Variants in MAP3K15 observed in about 807,000 individuals in gnomAD.
The protein encoded by MAP3K15 is mitogen-activated protein kinase kinase kinase 15, also known as MAPK/ERK kinase kinase 15.
Under a neutral mutation model 99.5 loss-of-function variants are expected in MAP3K15, and 124 were observed. That is an observed-to-expected ratio of 1.25 (90% CI 1.08 to 1.45). The LOEUF is 1.45. Ranked by LOEUF, MAP3K15 falls within the 40% of genes most tolerant of loss-of-function variation. The pLI is 0.00. For synonymous variants in MAP3K15, 494 were observed against 439.6 expected, an observed-to-expected ratio of 1.12 and a Z score of -1.55; for missense variants, 1,242 against 1,079.7, an observed-to-expected ratio of 1.15 and a Z score of -2.11.
At chrX:19,391,191 T>C (rs1479246967) in intron 18 of MAP3K15, among the ~76,000 whole-genome samples, 1 of 111,798 alleles carries the variant, frequency 8.9e-6, no homozygotes, top group Non-Finnish European at 1.9e-5. Flanking sequence ...GGAAACACAA[T>C]CATATCAAAA....
At chrX:19,377,620 G>A (rs1461068160) in intron 19 of MAP3K15, among the ~76,000 whole-genome samples, 7 of 111,974 alleles carry the variant, frequency 6.3e-5, no homozygotes, top group South Asian at 3.7e-4. Flanking sequence ...CATGCCCTGC[G>A]GAGGAATCGA....
Position 19,360,263 on chromosome X carries a change from A to C in MAP3K15, c.*486T>G, listed in dbSNP as rs2063266089. On this transcript the variant is annotated 3_prime_UTR_variant, in exon 29 of 29. Transcript: ENST00000338883. ...ATTCGTATCAGTTTTGTGTTTCTCA[A>C]ATTGAAGTACCATACCAGTTCTGAG... The C allele has an allele frequency of 7.5e-6, 1 of 134,067 alleles. No homozygotes were observed. Among genetic ancestry groups the C allele is most frequent in the African/African-American group, 3.2e-5 (1 of 31,212 alleles). 11.0% of individuals were successfully genotyped at this position (134,067 alleles called of 1,213,427 possible). A position where few individuals can be genotyped will look rare whatever the true frequency, so the allele number is the denominator to read the frequency against.
chrX:19,488,776 T>C, intron 2 of MAP3K15, 52 bp downstream of exon 2: 1 of 1,135,926 alleles, frequency 8.8e-7, no homozygotes, highest in Non-Finnish European at 1.2e-6. Context: ...GCTAGACATA[T>C]AATTCTGCTT....
intron 6 of MAP3K15, among the ~76,000 whole-genome samples, chrX:19,445,582 TC>T (rs1268475381): frequency 5.3e-5 from 4 of 75,149 alleles, no homozygotes; most frequent in African/African-American, 3.2e-4. Flanking sequence ...AGAGTGAGAC[TC>T]TGTCTCAAAA....
chrX:19,392,230 C>T (rs1025551097), intron 17 of MAP3K15, 113 bp downstream of exon 17: 17 of 1,037,455 alleles, frequency 1.6e-5, no homozygotes, highest in Admixed American at 2.5e-5. Context: ...ATTTTGGGGA[C>T]GGTTGTGCTA....
In MAP3K15 at chrX:19,456,957, G is replaced by A. The variant is rs762425115; in HGVS notation, c.951C>T (p.Ala317=). 7.5e-6 allele frequency: 9 copies of A among 1,197,382 alleles called. No homozygotes were observed. The East Asian group carries it at 1.8e-4, about 24-fold the overall frequency. ...AGTGGAATTTAATGTTATGCTGATC[G>A]GCCAAATCACACGTAGGCAGCATCT... is the stretch of plus-strand genomic sequence containing the variant. ...TLEMLPTCDL[A]DQHNIKFHYA... Residue 317 remains alanine, a synonymous_variant, in exon 6 of 29, where the codon GCC becomes GCT. Transcript: ENST00000338883.
At position 19,361,546 on chromosome X, in the gene MAP3K15, C is replaced by G. The variant is rs1350886167; in HGVS notation, c.3727G>C (p.Glu1243Gln). The G allele has an allele frequency of 1.7e-6, 2 of 1,210,442 alleles. No individual in the cohort carries two copies. Among genetic ancestry groups the G allele is most frequent in the African/African-American group, 3.5e-5 (2 of 57,449 alleles). The change falls in exon 27 of 29, where the codon GAG becomes CAG. Residue 1243 changes from glutamate to glutamine, a missense_variant. By Grantham distance (29) the Glu-to-Gln change is conservative. Coordinates refer to ENST00000338883, the MANE Select transcript of MAP3K15 (RefSeq NM_001001671.4). ...AGPYGQRTDK[E>Q]LIDWLRLQGA... ...TGCAGCCGCAACCAGTCTATAAGCT[C>G]TTTATCTGTTCTCTGCCCGTAGGGG...
intron 6 of MAP3K15, among the ~76,000 whole-genome samples, chrX:19,454,218 G>A (rs1022528082): frequency 4.5e-5 from 5 of 111,845 alleles, no homozygotes; most frequent in Non-Finnish European, 7.5e-5. Context: ...CAAAGATGCT[G>A]GAAGTAGAAT....
intron 6 of MAP3K15, among the ~76,000 whole-genome samples, chrX:19,441,547 T>A (rs1319664060): frequency 2.7e-5 from 3 of 111,839 alleles, no homozygotes; most frequent in Non-Finnish European, 3.8e-5. Flanking sequence ...ACGATCTCAC[T>A]GCATCCTCCG....
chrX:19,513,211 T>C (rs1176031126), intron 1 of MAP3K15, among the ~76,000 whole-genome samples: 1 of 111,357 alleles, frequency 9.0e-6, no homozygotes, highest in Non-Finnish European at 1.9e-5. Context: ...GACGTCTGCA[T>C]CTTCACAGTC....
chrX:19,366,816 A>G (rs996085126), intron 25 of MAP3K15, among the ~76,000 whole-genome samples: 3 of 112,374 alleles, frequency 2.7e-5, no homozygotes, highest in African/African-American at 9.7e-5. Flanking sequence ...GTTTACGTCA[A>G]TGCCATTCAC....
rs181554208 is a variant in MAP3K15 at position 19,361,672 on chromosome X, T to C, written c.3680-79A>G. 35 of 676,555 alleles carry C rather than the reference T, an allele frequency of 5.2e-5. No homozygotes were observed. The Admixed American group carries it at 6.5e-4, about 13-fold the overall frequency. The allele number at this position is 676,555 out of a possible 1,213,427, so 55.8% of individuals were successfully genotyped here. A position where few individuals can be genotyped will look rare whatever the true frequency, so the allele number is the denominator to read the frequency against. On this transcript the variant is annotated intron_variant, in intron 26 of 28. Transcript: ENST00000338883. ...AGTAACCAGTTGGATTAATAAATGA[T>C]TCCAGAATGTAAATGTGATGTGAAA...
At chrX:19,424,200 A>G (rs2063809842) in intron 9 of MAP3K15, among the ~76,000 whole-genome samples, 1 of 108,452 alleles carries the variant, frequency 9.2e-6, no homozygotes, top group Non-Finnish European at 1.9e-5. Flanking sequence ...ATATACACAC[A>G]CACACACACA....
intron 6 of MAP3K15, among the ~76,000 whole-genome samples, 191 bp from the exon 7 acceptor site, chrX:19,431,799 C>T (rs768747924): frequency 4.2e-4 from 47 of 110,949 alleles, no homozygotes; most frequent in Non-Finnish European, 8.7e-4. Flanking sequence ...TACAAGTAGC[C>T]GGGTGGTAGT....
At chrX:19,494,999 A>G (rs903134480) in intron 1 of MAP3K15, among the ~76,000 whole-genome samples, 1 of 110,535 alleles carries the variant, frequency 9.0e-6, no homozygotes, top group African/African-American at 3.3e-5. Context: ...GTCAGTGAAG[A>G]AAGTTGTGAA....
chrX:19,415,783 C>G (rs1174448038), intron 9 of MAP3K15, among the ~76,000 whole-genome samples: 1 of 111,296 alleles, frequency 9.0e-6, no homozygotes, highest in Middle Eastern at 4.2e-3. Context: ...GGTACTGGTC[C>G]ATTTTATCAT....
chrX:19,420,135 A>T (rs1288233821), intron 9 of MAP3K15, among the ~76,000 whole-genome samples: 1 of 111,796 alleles, frequency 8.9e-6, no homozygotes, highest in Non-Finnish European at 1.9e-5. Context: ...AGAACTAGAG[A>T]AGCAAGAGCA....
intron 25 of MAP3K15, among the ~76,000 whole-genome samples, chrX:19,364,492 A>ATCCC (rs2063320223): frequency 9.0e-6 from 1 of 111,415 alleles, no homozygotes; most frequent in Admixed American, 9.5e-5. Context: ...GCACCATAGA[A>ATCCC]TCCCTCTTCC....
intron 19 of MAP3K15, 108 bp from the exon 20 acceptor site, chrX:19,374,768 T>C: frequency 2.9e-6 from 2 of 700,148 alleles, no homozygotes; most frequent in Non-Finnish European, 4.3e-6. Context: ...AGGACAGGCA[T>C]AATCCATGCC....
Sources: gnomAD v4.1 joint callset for allele counts (sites outside exome capture counted in the v4.1 genomes callset) on GRCh38, gnomAD v4.1.1 for gene constraint, MANE v1.5 for transcripts, NCBI Gene and HGNC (gene_info 2026-07-23, HGNC 2026-07-21) for gene names.